The following TMEM74 variants were observed in gnomAD, a reference collection of about 807,000 sequenced individuals.
The protein encoded by TMEM74 is transmembrane protein 74.
Under a neutral mutation model 18.1 loss-of-function variants are expected in TMEM74, and 13 were observed. That is an observed-to-expected ratio of 0.72 (90% CI 0.47 to 1.14). The LOEUF (loss-of-function observed/expected upper bound fraction) is 1.14, where lower values mean the gene tolerates loss of function less well. Among genes scored for constraint, TMEM74 ranks in the 50% most tolerant of loss-of-function variants. The probability of loss-of-function intolerance (pLI) is 0.00; values close to 1 mark genes in which losing one functional copy is unlikely to be tolerated. For missense variants in TMEM74, 372 were observed against 375.9 expected (o/e 0.99, Z 0.09); for synonymous variants, 159 against 146.6 (o/e 1.08, Z -0.61).
chr8:108,718,021 G>T (rs1351474236), intron 1 of TMEM74, among the ~76,000 whole-genome samples: 5 of 61,722 alleles, frequency 8.1e-5, no homozygotes, highest in African/African-American at 2.2e-4. Context: ...TGCAGTGGCG[G>T]GATCTCGGCT....
At chr8:108,646,614 A>G (rs1812722872) in intron 2 of TMEM74, among the ~76,000 whole-genome samples, 1 of 152,124 alleles carries the variant, frequency 6.6e-6, no homozygotes, top group Admixed American at 6.6e-5. Context: ...ATTTGTTGTT[A>G]TTGTTGTTAA....
chr8:108,651,089 C>A (rs1812770382), intron 2 of TMEM74, among the ~76,000 whole-genome samples: 1 of 152,018 alleles, frequency 6.6e-6, no homozygotes, highest in Non-Finnish European at 1.5e-5. Flanking sequence ...ATGTCTTAAT[C>A]TTCTCCATAG....
chr8:108,772,044 G>T (rs1327509111), intron 1 of TMEM74, among the ~76,000 whole-genome samples: 1 of 151,976 alleles, frequency 6.6e-6, no homozygotes, highest in Non-Finnish European at 1.5e-5. Flanking sequence ...ATTTTAATAT[G>T]AATTTTTGAT....
intron 2 of TMEM74, among the ~76,000 whole-genome samples, chr8:108,628,986 G>C (rs573189869): frequency 6.6e-6 from 1 of 151,902 alleles, no homozygotes; most frequent in Admixed American, 6.6e-5. Flanking sequence ...GGTGTTGTTT[G>C]TTTTTTTCTT....
At chr8:108,642,847 TA>T (rs1812679277) in intron 2 of TMEM74, among the ~76,000 whole-genome samples, 1 of 152,204 alleles carries the variant, frequency 6.6e-6, no homozygotes, top group African/African-American at 2.4e-5. Context: ...GAAAAGTTAT[TA>T]AATTCATTGT....
intron 1 of TMEM74, among the ~76,000 whole-genome samples, chr8:108,660,947 A>C (rs1378772440): frequency 2.0e-5 from 3 of 152,112 alleles, no homozygotes; most frequent in African/African-American, 7.2e-5. Context: ...GAAATAACTA[A>C]ATAAGGGAGG....
At chr8:108,767,564 T>C (rs1814123292) in intron 1 of TMEM74, among the ~76,000 whole-genome samples, 1 of 152,154 alleles carries the variant, frequency 6.6e-6, no homozygotes, top group Non-Finnish European at 1.5e-5. Flanking sequence ...GTGTGACAAA[T>C]TCTCCATAGA....
intron 1 of TMEM74, among the ~76,000 whole-genome samples, chr8:108,754,264 C>T (rs1813933636): frequency 6.6e-6 from 1 of 151,966 alleles, no homozygotes; most frequent in African/African-American, 2.4e-5. Context: ...ATATGTAGTT[C>T]TTATTCTCAT....
intron 1 of TMEM74, among the ~76,000 whole-genome samples, chr8:108,721,370 C>T (rs1813585851): frequency 6.6e-6 from 1 of 152,226 alleles, no homozygotes; most frequent in South Asian, 2.1e-4. Flanking sequence ...TACAACTACC[C>T]TACTTCTTTT....
intron 1 of TMEM74, among the ~76,000 whole-genome samples, chr8:108,735,682 G>C (rs1394210259): frequency 6.6e-6 from 1 of 152,110 alleles, no homozygotes; most frequent in Non-Finnish European, 1.5e-5. Context: ...TCACGTACAA[G>C]TTTGTATGTG....
rs765844482 is a variant in TMEM74 at position 108,784,743 on chromosome 8, T to C, written c.356A>G (p.Asn119Ser). Reference sequence around the variant, plus strand: ...CGAGCTCCGGTTCCGCTGCTCCAAGTTGATGTTTTTGTCCACATAGGTAAA... The same window carrying C: ...CGAGCTCCGGTTCCGCTGCTCCAAGCTGATGTTTTTGTCCACATAGGTAAA... ...TSFTYVDKNI[N>S]LEQRNRSSPS... Residue 119 changes from asparagine to serine, a missense_variant, in exon 2 of 2, where the codon AAC becomes AGC. Coordinates refer to ENST00000297459, the MANE Select transcript of TMEM74 (RefSeq NM_153015.3). The C allele has an allele frequency of 3.1e-6, 5 of 1,614,196 alleles. No homozygotes were observed. Among genetic ancestry groups the C allele is most frequent in the African/African-American group, 1.3e-5 (1 of 75,046 alleles).
At position 108,784,825 on chromosome 8, in the gene TMEM74, G is replaced by T; in HGVS notation, c.274C>A (p.Gln92Lys). ...PPGLLHSGNN[Q>K]ITAERKVCNC... ...CAGACTTTCCGTTCCGCTGTTATTT[G>T]GTTGTTCCCTGAGTGGAGAAGTCCT... Residue 92 changes from glutamine to lysine, a missense_variant, in exon 2 of 2, where the codon CAA becomes AAA. Physicochemically the swap from Gln to Lys is moderately conservative, Grantham distance 53. Transcript: ENST00000297459. 6.2e-7 allele frequency: 1 copy of T among 1,614,202 alleles called. No individual in the cohort carries two copies. The highest frequency in any genetic ancestry group is 8.5e-7 in the Non-Finnish European group (1 of 1,180,038).
intron 1 of TMEM74, among the ~76,000 whole-genome samples, chr8:108,684,988 A>T (rs1813154161): frequency 6.6e-6 from 1 of 151,998 alleles, no homozygotes; most frequent in Non-Finnish European, 1.5e-5. Flanking sequence ...TGGTATTTTG[A>T]TAGGGATTAC....
chr8:108,705,628 A>C (rs992517858), intron 1 of TMEM74, among the ~76,000 whole-genome samples: 3 of 152,162 alleles, frequency 2.0e-5, no homozygotes, highest in Admixed American at 6.5e-5. Flanking sequence ...CTCCTCAAGC[A>C]GATGTAGATG....
At chr8:108,701,002 C>A (rs953132568) in intron 1 of TMEM74, among the ~76,000 whole-genome samples, 1 of 151,914 alleles carries the variant, frequency 6.6e-6, no homozygotes, top group Admixed American at 6.6e-5. Flanking sequence ...AACAAACTAG[C>A]AAATCAAATC....
Position 108,784,103 on chromosome 8 carries a change from C to A in TMEM74, c.*78G>T, listed in dbSNP as rs1022798157. On this transcript the variant is annotated 3_prime_UTR_variant, in exon 2 of 2. Coordinates refer to ENST00000297459, the MANE Select transcript of TMEM74 (RefSeq NM_153015.3). ...CTTTTCTTGCCAGGCAAATAAATTG[C>A]ACTGTGAATTTTTATAAATTAACTT... 3.1e-6 allele frequency: 4 copies of A among 1,274,382 alleles called. No homozygotes were observed. In the African/African-American group the frequency reaches 6.1e-5, roughly 19 times the overall value. The allele number at this position is 1,274,382 out of a possible 1,614,324, so 78.9% of individuals were successfully genotyped here.
At chr8:108,726,521 T>C (rs1813639854) in intron 1 of TMEM74, among the ~76,000 whole-genome samples, 1 of 152,202 alleles carries the variant, frequency 6.6e-6, no homozygotes, top group African/African-American at 2.4e-5. Context: ...AAGACGTTAA[T>C]AGGTACGGTG....
chr8:108,756,619 G>A (rs1364469134), intron 1 of TMEM74, among the ~76,000 whole-genome samples: 5 of 83,376 alleles, frequency 6.0e-5, no homozygotes, highest in African/African-American at 2.7e-4. Flanking sequence ...AGGAAGGAAG[G>A]AAGGAAGGAA....
chr8:108,739,284 G>A (rs557243430), intron 1 of TMEM74, among the ~76,000 whole-genome samples: 1 of 152,342 alleles, frequency 6.6e-6, no homozygotes, highest in South Asian at 2.1e-4. Context: ...ATGTGGGATT[G>A]ACTGAAGGAA....
Sources: allele counts gnomAD v4.1 joint callset (sites outside exome capture counted in the v4.1 genomes callset), GRCh38; gene constraint gnomAD v4.1.1; transcripts MANE v1.5; gene names NCBI Gene and HGNC (gene_info 2026-07-23, HGNC 2026-07-21).